Variants in SZT2 observed in about 807,000 individuals in gnomAD.
The protein encoded by SZT2 is KICSTOR complex protein SZT2.
Under a neutral mutation model 404.2 loss-of-function variants are expected in SZT2, and 216 were observed. The observed-to-expected ratio is 0.53, with a 90% CI of 0.48 to 0.60. The LOEUF is 0.60. Ranked by LOEUF, SZT2 falls within the 20% of genes least tolerant of loss-of-function variation. SZT2 has a pLI of 0.00. For missense variants in SZT2, 3,857 were observed against 4,459.2 expected (o/e 0.86, Z 3.85); for synonymous variants, 1,693 against 1,749.9 (o/e 0.97, Z 0.81).
At chr1:43,416,718 A>G (rs1651764104) in intron 7 of SZT2, 77 bp downstream of exon 7, 1 of 1,146,054 alleles carries the variant, frequency 8.7e-7, no homozygotes. Context: ...ACTTTCTTAC[A>G]GGCAGTGATT....
chr1:43,438,811 T>C lies in SZT2; in HGVS notation c.6621T>C (p.Asp2207=), dbSNP rs758720431. ...LVRNCKLTPA[D]VEFIQPPGSL... ...GGAACTGCAAGCTGACACCAGCTGATGTGGAGGTCAGCTCCCCTCTAGGCA... is the reference window on the plus strand; with the variant it reads ...GGAACTGCAAGCTGACACCAGCTGACGTGGAGGTCAGCTCCCCTCTAGGCA... The change falls in exon 47 of 72, where the codon GAT becomes GAC. Residue 2207 remains aspartate, a synonymous_variant. Coordinates refer to ENST00000634258, the MANE Select transcript of SZT2 (RefSeq NM_001365999.1). The C allele has an allele frequency of 1.2e-6, 2 of 1,613,210 alleles. No individual in the cohort carries two copies. Among genetic ancestry groups the C allele is most frequent in the Admixed American group, 3.3e-5 (2 of 59,974 alleles).
rs1400628637 is a variant in SZT2, at chr1:43,453,569, C to T, written c.*3089C>T. ...CCGCGCCCCGGCACCCCCCAGCCCT[C>T]CCAGCCCTCCCGGCCCGCGACGCAC... On this transcript the variant is annotated 3_prime_UTR_variant, in exon 72 of 72. Coordinates refer to ENST00000634258, the MANE Select transcript of SZT2 (RefSeq NM_001365999.1). 2.0e-6 allele frequency: 3 copies of T among 1,498,492 alleles called. No homozygotes were observed. The highest frequency in any genetic ancestry group is 1.8e-6 in the Non-Finnish European group (2 of 1,112,000). 92.8% of individuals were successfully genotyped at this position (1,498,492 alleles called of 1,614,324 possible).
chr1:43,390,134 G>C, intron 1 of SZT2, 139 bp downstream of exon 1: 1 of 1,018,590 alleles, frequency 9.8e-7, no homozygotes, highest in Non-Finnish European at 1.3e-6. Flanking sequence ...AGCCCGGAAG[G>C]CCCGACTATG....
chr1:43,432,978 A>G lies in SZT2; in HGVS notation c.5603-11A>G, dbSNP rs199939853. 95 of 1,613,804 alleles carry G rather than the reference A, an allele frequency of 5.9e-5. No individual in the cohort carries two copies. The highest frequency in any genetic ancestry group is 3.3e-4 in the Middle Eastern group (2 of 6,064). ...TTCGGATGGGATTGACCTTCAATGC[A>G]TCTGACACAGGTTATGATGGTGGCA... On this transcript the variant is annotated splice_polypyrimidine_tract_variant and intron_variant, in intron 39 of 71. Coordinates refer to ENST00000634258, the MANE Select transcript of SZT2 (RefSeq NM_001365999.1).
At chr1:43,431,621 TCA>T in intron 35 of SZT2, 93 bp from the exon 36 acceptor site, 1 of 1,594,868 alleles carries the variant, frequency 6.3e-7, no homozygotes, top group Non-Finnish European at 8.6e-7. Context: ...GAGGCCTCTC[TCA>T]GTCTGTGAGG....
chr1:43,400,150 G>A (rs1311007353), intron 1 of SZT2, among the ~76,000 whole-genome samples: 1 of 150,766 alleles, frequency 6.6e-6, no homozygotes, highest in Non-Finnish European at 1.5e-5. Context: ...CGTTTGCCCA[G>A]GCTGTTCTCA....
rs1170190389 is a variant in SZT2, at chr1:43,427,595, C to T, written c.3664C>T (p.Arg1222Cys). The change falls in exon 26 of 72, where the codon CGT becomes TGT. Residue 1222 changes from arginine to cysteine, a missense_variant. Arg to Cys is a radical substitution (Grantham distance 180). Coordinates refer to ENST00000634258, the MANE Select transcript of SZT2 (RefSeq NM_001365999.1). ...FRRDLQAYAG[R>C]QASQTESADG... ...TCGAGACTTACAGGCTTACGCTGGGCGTCAGGCTTCCCAGACAGAGAGTGC... is the reference window on the plus strand; with the variant it reads ...TCGAGACTTACAGGCTTACGCTGGGTGTCAGGCTTCCCAGACAGAGAGTGC... 2 of 1,614,244 alleles carry T rather than the reference C, an allele frequency of 1.2e-6. No individual in the cohort carries two copies. The highest frequency in any genetic ancestry group is 1.7e-6 in the Non-Finnish European group (2 of 1,180,040).
In SZT2 at chr1:43,420,383, A is replaced by G; in HGVS notation, c.1261+60A>G. ...ATCTCTCAAGAATTTGTGTGTGGGA[A>G]GACCCACATGTATCACACATGAAAG... On this transcript the variant is annotated intron_variant, in intron 9 of 71. Coordinates refer to ENST00000634258, the MANE Select transcript of SZT2 (RefSeq NM_001365999.1). This position sits in a 1 kb window ranked among gnomAD's most constrained non-coding sequence, Gnocchi z 5.1. The G allele has an allele frequency of 6.8e-7, 1 of 1,476,134 alleles. No individual in the cohort carries two copies. The highest frequency in any genetic ancestry group is 1.4e-5 in the African/African-American group (1 of 71,732). The allele number at this position is 1,476,134 out of a possible 1,614,324, so 91.4% of individuals were successfully genotyped here.
chr1:43,435,294 T>C lies in SZT2; in HGVS notation c.5999T>C (p.Phe2000Ser), dbSNP rs776799429. The C allele has an allele frequency of 6.2e-7, 1 of 1,614,162 alleles. No homozygotes were observed. Among genetic ancestry groups the C allele is most frequent in the Non-Finnish European group, 8.5e-7 (1 of 1,180,026 alleles). ...EEDLWRSETP[F>S]HSRQRAPLPS... The stretch of plus-strand genomic sequence containing the variant: ...GATCTGTGGCGCAGTGAGACTCCCT[T>C]CCACTCCCGTCAGCGGGCACCACTG... Residue 2000 changes from phenylalanine to serine, a missense_variant, in exon 42 of 72, where the codon TTC becomes TCC. Phe to Ser is a radical substitution (Grantham distance 155, BLOSUM62 -2). Around this residue, in one of 7 missense-constraint regions of SZT2, gnomAD observed 1,725 missense variants for 1,881.0 expected, o/e 0.92. Transcript: ENST00000634258.
rs1652841533 is a variant in SZT2 at position 43,424,076 on chromosome 1, A to G, written c.2256-141A>G. The G allele has an allele frequency of 1.4e-6, 1 of 689,854 alleles. No homozygotes were observed. Among genetic ancestry groups the G allele is most frequent in the Non-Finnish European group, 2.5e-6 (1 of 403,068 alleles). 42.7% of individuals were successfully genotyped at this position (689,854 alleles called of 1,614,324 possible). On this transcript the variant is annotated intron_variant, in intron 15 of 71. Coordinates refer to ENST00000634258, the MANE Select transcript of SZT2 (RefSeq NM_001365999.1). The surrounding 1 kb of genome is among the most constrained non-coding windows in gnomAD (Gnocchi z 4.1). ...GGTATGAGTGGTACAGAGGTGTGGA[A>G]GGGCGTGGCTTAGCCGGGTATCAGT...
chr1:43,447,785 G>A, intron 67 of SZT2, 64 bp from the exon 68 acceptor site: 3 of 1,611,164 alleles, frequency 1.9e-6, no homozygotes, highest in Non-Finnish European at 2.5e-6. Context: ...GTTTTCTTGG[G>A]CAGGGGTGAG....
intron 38 of SZT2, 54 bp downstream of exon 38, chr1:43,432,658 G>C: frequency 6.2e-7 from 1 of 1,613,244 alleles, no homozygotes; most frequent in Non-Finnish European, 8.5e-7. Context: ...CCCTGACCAT[G>C]CTTCCATTTT....
In SZT2 at chr1:43,447,485, C is replaced by T. The variant is rs1052393228; in HGVS notation, c.9287-60C>T. The stretch of plus-strand genomic sequence containing the variant: ...TAAAGACTCCCATCCCTGTGCCCCA[C>T]CAGACCAGTGTGTCTGTCCTAGGCT... On this transcript the variant is annotated intron_variant, in intron 66 of 71. Coordinates refer to ENST00000634258, the MANE Select transcript of SZT2 (RefSeq NM_001365999.1). 7.6e-6 allele frequency: 12 copies of T among 1,580,202 alleles called. No individual in the cohort carries two copies. The African/African-American group carries it at 1.5e-4, about 19-fold the overall frequency.
chr1:43,447,296 A>T, intron 66 of SZT2, 128 bp downstream of exon 66: 1 of 1,164,478 alleles, frequency 8.6e-7, no homozygotes. Context: ...TGTCACACAT[A>T]CCACGTCCCC....
intron 61 of SZT2, 32 bp from the exon 62 acceptor site, chr1:43,443,565 G>A (rs1313027930): frequency 6.2e-7 from 1 of 1,613,764 alleles, no homozygotes; most frequent in East Asian, 2.2e-5. Context: ...GTTGACAGTG[G>A]GGAGAGTCTT....
Position 43,424,538 on chromosome 1 carries a change from A to T in SZT2, c.2471+106A>T. 1 of 1,204,228 alleles carries T rather than the reference A, an allele frequency of 8.3e-7. No individual in the cohort carries two copies. Among genetic ancestry groups the T allele is most frequent in the South Asian group, 1.4e-5 (1 of 71,774 alleles). 74.6% of individuals were successfully genotyped at this position (1,204,228 alleles called of 1,614,324 possible). A position where few individuals can be genotyped will look rare whatever the true frequency, so the allele number is the denominator to read the frequency against. The stretch of plus-strand genomic sequence containing the variant: ...CACACACTTCTCCTCTCTAATTCCC[A>T]GTCTGAAGTATAGAGCAGCATCTGC... On this transcript the variant is annotated intron_variant, in intron 16 of 71. Coordinates refer to ENST00000634258, the MANE Select transcript of SZT2 (RefSeq NM_001365999.1). The surrounding 1 kb of genome is among the most constrained non-coding windows in gnomAD (Gnocchi z 4.1).
chr1:43,453,903 G>A lies in SZT2; in HGVS notation c.*3423G>A. 4 of 1,216,660 alleles carry A rather than the reference G, an allele frequency of 3.3e-6. No homozygotes were observed. Among genetic ancestry groups the A allele is most frequent in the African/African-American group, 3.2e-5 (2 of 63,136 alleles). The allele number at this position is 1,216,660 out of a possible 1,614,324, so 75.4% of individuals were successfully genotyped here. A position where few individuals can be genotyped will look rare whatever the true frequency, so the allele number is the denominator to read the frequency against. ...CTCCTTGCTGGCCCTGCGAACGAACGAGCACTGTTCGTGGTTAGAAAAGCG... is the reference window on the plus strand; with the variant it reads ...CTCCTTGCTGGCCCTGCGAACGAACAAGCACTGTTCGTGGTTAGAAAAGCG... On this transcript the variant is annotated 3_prime_UTR_variant, in exon 72 of 72. Coordinates refer to ENST00000634258, the MANE Select transcript of SZT2 (RefSeq NM_001365999.1).
rs17850048 is a variant in SZT2 at position 43,451,262 on chromosome 1, C to T, written c.*782C>T. The T allele has an allele frequency of 6.2e-7, 1 of 1,613,996 alleles. No individual in the cohort carries two copies. Among genetic ancestry groups the T allele is most frequent in the African/African-American group, 1.3e-5 (1 of 74,940 alleles). On this transcript the variant is annotated 3_prime_UTR_variant, in exon 72 of 72. Transcript: ENST00000634258. ...CTCACTGGCCAGCCTCTGGGTGGCCCCGCCTATCCCAGTATGAACGTAGCC... is the reference window on the plus strand; with the variant it reads ...CTCACTGGCCAGCCTCTGGGTGGCCTCGCCTATCCCAGTATGAACGTAGCC...
rs1467822010 is a variant in SZT2, at chr1:43,416,536, G to A, written c.774G>A (p.Gly258=). The change falls in exon 7 of 72, where the codon GGG becomes GGA. Residue 258 remains glycine, a splice_region_variant and synonymous_variant. Transcript: ENST00000634258. The stretch of plus-strand genomic sequence containing the variant: ...CTGATCTGGTGTTTCCTGCTCCAGG[G>A]ATTATCGTGATCACGGATGGGGTGA... ...LQLLPSNSSA[G]IIVITDGVTS... is the part of the protein sequence containing the mutation. 3 of 1,597,928 alleles carry A rather than the reference G, an allele frequency of 1.9e-6. No homozygotes were observed. The African/African-American group carries it at 4.0e-5, about 21-fold the overall frequency.
Sources: gnomAD v4.1 joint callset for allele counts (sites outside exome capture counted in the v4.1 genomes callset) on GRCh38, gnomAD v4.1.1 for gene constraint, gnomAD v4.1.1 regional missense constraint, Gnocchi (gnomAD v3.1) non-coding constraint, MANE v1.5 for transcripts, NCBI Gene and HGNC (gene_info 2026-07-23, HGNC 2026-07-21) for gene names.